Variants in ZNF487 observed in about 807,000 individuals in gnomAD.
The protein encoded by ZNF487 is zinc finger protein 487, also known as KRAB domain only 1.
Under a neutral mutation model 3.0 loss-of-function variants are expected in ZNF487, and 4 were observed. That is an observed-to-expected ratio of 1.35 (90% CI 0.66 to 3.08). The LOEUF (loss-of-function observed/expected upper bound fraction) is 3.08. ZNF487 is among the 30% of genes most tolerant of loss of function. The probability of loss-of-function intolerance (pLI) is 0.01; values close to 1 mark genes in which losing one functional copy is unlikely to be tolerated. For synonymous variants in ZNF487, 55 were observed against 34.6 expected, an observed-to-expected ratio of 1.59 and a Z score of -2.06; for missense variants, 146 against 98.7, an observed-to-expected ratio of 1.48 and a Z score of -2.03.
At chr10:43,496,004 G>C in the ZNF487 span, 2 of 530,796 alleles carry the variant, frequency 3.8e-6, no homozygotes, top group East Asian at 1.1e-4. Context: ...GAACACAGAT[G>C]TACTTTTTCA....
At chr10:43,462,378 TTTTTTTCTTTTTTC>T (rs370224758) in intron 1 of ZNF487, among the ~76,000 whole-genome samples, 84 of 151,808 alleles carry the variant, frequency 5.5e-4, no homozygotes, top group African/African-American at 2.0e-3. Context: ...ATATTGTGCT[TTTTTTTCTTTTTTC>T]TTTTTTCTTT....
chr10:43,494,607 T>C, the ZNF487 span, among the ~76,000 whole-genome samples: 1 of 151,186 alleles, frequency 6.6e-6, no homozygotes. Context: ...AGCTGTGATC[T>C]TGAAGTGGTG....
chr10:43,476,394 C>T (rs896316933), intron 3 of ZNF487, among the ~76,000 whole-genome samples, 192 bp downstream of exon 3: 46 of 152,148 alleles, frequency 3.0e-4, no homozygotes, highest in African/African-American at 1.1e-3. Flanking sequence ...CAGATAACAG[C>T]TAAATGGTCT....
chr10:43,451,766 T>C (rs2132061787), intron 1 of ZNF487, among the ~76,000 whole-genome samples: 1 of 152,126 alleles, frequency 6.6e-6, no homozygotes, highest in East Asian at 1.9e-4. Flanking sequence ...GGTTTCTCCA[T>C]GTTGGTCAGG....
At chr10:43,493,516 A>C in the ZNF487 span, among the ~76,000 whole-genome samples, 1 of 151,516 alleles carries the variant, frequency 6.6e-6, no homozygotes, top group African/African-American at 2.4e-5. Flanking sequence ...CGACATGGCG[A>C]AACCCTGTCT....
At chr10:43,455,111 G>A (rs982370076) in intron 1 of ZNF487, among the ~76,000 whole-genome samples, 1 of 151,182 alleles carries the variant, frequency 6.6e-6, no homozygotes, top group Non-Finnish European at 1.5e-5. Flanking sequence ...CGGGTTCAAG[G>A]CCTTCTCCTG....
At chr10:43,459,171 T>G (rs1255140457) in intron 1 of ZNF487, among the ~76,000 whole-genome samples, 1 of 152,172 alleles carries the variant, frequency 6.6e-6, no homozygotes, top group Non-Finnish European at 1.5e-5. Flanking sequence ...CCGTGAAGTC[T>G]TCTTCCTCTT....
chr10:43,508,677 A>AAAAC, the ZNF487 span, among the ~76,000 whole-genome samples: 85 of 152,076 alleles, frequency 5.6e-4, 1 homozygote, highest in South Asian at 1.5e-3. Flanking sequence ...AACAAAAACA[A>AAAAC]AAACAAACAA....
the ZNF487 span, among the ~76,000 whole-genome samples, chr10:43,503,120 C>A: frequency 6.6e-6 from 1 of 151,260 alleles, no homozygotes; most frequent in African/African-American, 2.4e-5. Context: ...ATAGAGATGG[C>A]AGCTTTATGT....
chr10:43,481,037 G>A (rs1032449610), intron 3 of ZNF487, among the ~76,000 whole-genome samples: 2 of 152,006 alleles, frequency 1.3e-5, no homozygotes, highest in South Asian at 2.1e-4. Flanking sequence ...TTTGGGAGCC[G>A]AGGCAGGTGG....
chr10:43,436,879 GACCTTC>G (rs1159302204), upstream of ZNF487: 8 of 469,248 alleles, frequency 1.7e-5, no homozygotes, highest in Admixed American at 4.7e-5. Flanking sequence ...CGGTCCCAGC[GACCTTC>G]GCTTTCGTGG....
At chr10:43,460,538 G>T (rs1301207940) in intron 1 of ZNF487, among the ~76,000 whole-genome samples, 2 of 150,054 alleles carry the variant, frequency 1.3e-5, no homozygotes, top group Non-Finnish European at 3.0e-5. Flanking sequence ...ACCATGCCCA[G>T]CTAATTTTTT....
At chr10:43,460,212 A>G (rs1374878394) in intron 1 of ZNF487, among the ~76,000 whole-genome samples, 1 of 152,072 alleles carries the variant, frequency 6.6e-6, no homozygotes, top group African/African-American at 2.4e-5. Flanking sequence ...ATATTAACCT[A>G]TGGATTGAGT....
intron 1 of ZNF487, among the ~76,000 whole-genome samples, chr10:43,463,044 G>A: frequency 6.6e-6 from 1 of 151,972 alleles, no homozygotes; most frequent in Non-Finnish European, 1.5e-5. Flanking sequence ...AGACCAGCCT[G>A]ACCAACATGG....
chr10:43,493,515 G>A, the ZNF487 span, among the ~76,000 whole-genome samples: 3 of 151,296 alleles, frequency 2.0e-5, no homozygotes, highest in Non-Finnish European at 2.9e-5. Context: ...GCGACATGGC[G>A]AAACCCTGTC....
chr10:43,483,609 C>T (rs1841442494), downstream of ZNF487, among the ~76,000 whole-genome samples: 1 of 152,078 alleles, frequency 6.6e-6, no homozygotes. Context: ...TTCACTGCAA[C>T]CTCCTCCTCC....
chr10:43,522,728 G>A, the ZNF487 span, among the ~76,000 whole-genome samples: 2 of 151,874 alleles, frequency 1.3e-5, no homozygotes, highest in Non-Finnish European at 2.9e-5. Flanking sequence ...GCTAGATTCT[G>A]TCTCAAAAAA....
chr10:43,500,959 T>G, the ZNF487 span, among the ~76,000 whole-genome samples: 2 of 152,216 alleles, frequency 1.3e-5, no homozygotes, highest in Admixed American at 6.5e-5. Flanking sequence ...ATGCCTTGCT[T>G]AGTGACAAGG....
the ZNF487 span, among the ~76,000 whole-genome samples, chr10:43,500,525 A>G: frequency 6.6e-6 from 1 of 152,120 alleles, no homozygotes; most frequent in East Asian, 1.9e-4. Context: ...TTTTTGAGAC[A>G]GGATCTTGCT....
Sources: gnomAD v4.1 joint callset for allele counts (sites outside exome capture counted in the v4.1 genomes callset) on GRCh38, gnomAD v4.1.1 for gene constraint, MANE v1.5 for transcripts, NCBI Gene and HGNC (gene_info 2026-07-23, HGNC 2026-07-21) for gene names.